GCNT4: variants seen among roughly 807,000 people sequenced by gnomAD.
GCNT4 encodes the protein beta-1,3-galactosyl-O-glycosyl-glycoprotein beta-1,6-N-acetylglucosaminyltransferase 4.
GCNT4 carries 17 observed loss-of-function variants against 31.3 expected under a neutral mutation model. The observed-to-expected ratio is 0.54, with a 90% CI of 0.37 to 0.81. The LOEUF (loss-of-function observed/expected upper bound fraction) is 0.81. GCNT4 is among the 40% of genes least tolerant of loss of function. The pLI, the probability that GCNT4 is intolerant of heterozygous loss-of-function variation, is 0.00. For synonymous variants in GCNT4, 158 were observed against 190.6 expected (o/e 0.83, Z 1.41); for missense variants, 503 against 525.5 (o/e 0.96, Z 0.42).
intron 3 of GCNT4, among the ~76,000 whole-genome samples, chr5:75,036,834 G>A (rs966621124): frequency 5.3e-5 from 8 of 152,190 alleles, no homozygotes; most frequent in Admixed American, 1.3e-4. Context: ...CTCCTGTCCC[G>A]TATCCTGTCA....
intron 3 of GCNT4, among the ~76,000 whole-genome samples, chr5:75,044,368 G>A (rs934862949): frequency 1.3e-5 from 2 of 150,258 alleles, no homozygotes; most frequent in Non-Finnish European, 2.9e-5. Context: ...CTTTACTTCT[G>A]TGTACATCAT....
At position 75,029,945 on chromosome 5, in the gene GCNT4, A is replaced by C; in HGVS notation, c.93T>G (p.Leu31=). The change falls in exon 4 of 4, where the codon CTT becomes CTG. Residue 31 remains leucine, a synonymous_variant. Coordinates refer to ENST00000652361, the MANE Select transcript of GCNT4 (RefSeq NM_001366737.1). ...GCGGAAAGAGTCGTCTCACATTTAG[A>C]AGCTTTAACAAAGAGAGCAGCCATA... The part of the protein sequence containing the change: ...LTLWLLSLLK[L]LNVRRLFPQK... 6.2e-7 allele frequency: 1 copy of C among 1,614,152 alleles called. No homozygotes were observed. Among genetic ancestry groups the C allele is most frequent in the Non-Finnish European group, 8.5e-7 (1 of 1,180,018 alleles).
rs1305574147 is a variant in GCNT4, at chr5:75,025,502, G to C, written c.*3174C>G. 2 of 152,112 alleles carry C rather than the reference G, an allele frequency of 1.3e-5. No individual in the cohort carries two copies. The highest frequency in any genetic ancestry group is 2.9e-5 in the Non-Finnish European group (2 of 68,000). 9.4% of individuals were successfully genotyped at this position (152,112 alleles called of 1,614,324 possible). A position where few individuals can be genotyped will look rare whatever the true frequency, so the allele number is the denominator to read the frequency against. On this transcript the variant is annotated 3_prime_UTR_variant, in exon 4 of 4. Transcript: ENST00000652361. ...AACAAAATAGGAGATTTAGAGACCA[G>C]TCGATATAAATGTATAAAAAGCCCC...
chr5:75,037,048 A>G (rs1743214673), intron 3 of GCNT4, among the ~76,000 whole-genome samples: 2 of 152,238 alleles, frequency 1.3e-5, no homozygotes, highest in Admixed American at 1.3e-4. Context: ...TTATTGATTT[A>G]GAAATGTCAG....
At chr5:75,048,677 T>C (rs1012886903) in intron 2 of GCNT4, among the ~76,000 whole-genome samples, 1 of 152,182 alleles carries the variant, frequency 6.6e-6, no homozygotes, top group Non-Finnish European at 1.5e-5. Context: ...AAGGAAAGCA[T>C]TTCCACAGTT....
chr5:75,041,816 G>C (rs1306847040), intron 3 of GCNT4, among the ~76,000 whole-genome samples: 1 of 152,208 alleles, frequency 6.6e-6, no homozygotes, highest in Admixed American at 6.5e-5. Flanking sequence ...GACTGTGTGT[G>C]TATCTAGCTG....
chr5:75,030,971 A>G (rs187778241), intron 3 of GCNT4: 1 of 166,852 alleles, frequency 6.0e-6, no homozygotes, highest in East Asian at 1.9e-4. Context: ...AATGGGGAAC[A>G]ATCTCTAAGA....
downstream of GCNT4, among the ~76,000 whole-genome samples, chr5:75,023,450 A>G (rs1435451614): frequency 2.6e-5 from 4 of 152,192 alleles, no homozygotes; most frequent in African/African-American, 9.6e-5. Context: ...TCTCATGGAA[A>G]TGCATCATAA....
intron 3 of GCNT4, among the ~76,000 whole-genome samples, chr5:75,043,672 T>C (rs1029176107): frequency 2.6e-5 from 4 of 152,156 alleles, no homozygotes; most frequent in Non-Finnish European, 5.9e-5. Flanking sequence ...CTCAAGCCAC[T>C]GAACCACCAC....
intron 3 of GCNT4, among the ~76,000 whole-genome samples, chr5:75,034,670 T>G (rs915399451): frequency 6.6e-6 from 1 of 152,208 alleles, no homozygotes; most frequent in Admixed American, 6.5e-5. Flanking sequence ...TGGAGTTTAT[T>G]GCCACATAGG....
At chr5:75,032,137 C>G (rs1743077445) in intron 3 of GCNT4, among the ~76,000 whole-genome samples, 1 of 152,162 alleles carries the variant, frequency 6.6e-6, no homozygotes, top group East Asian at 1.9e-4. Flanking sequence ...ATCAACTGTA[C>G]TGCAGAATCC....
chr5:75,032,902 T>G (rs1393615882), intron 3 of GCNT4, among the ~76,000 whole-genome samples: 1 of 129,016 alleles, frequency 7.8e-6, no homozygotes, highest in South Asian at 2.5e-4. Context: ...TGTGTGTGTG[T>G]GTGTGTGTGT....
the GCNT4 span, among the ~76,000 whole-genome samples, chr5:75,018,072 G>A: frequency 6.6e-6 from 1 of 152,116 alleles, no homozygotes; most frequent in African/African-American, 2.4e-5. Flanking sequence ...CCACAAGTAA[G>A]ATTTCTATGC....
At chr5:75,040,066 CCTTGCCTCAGGAT>C (rs1743285796) in intron 3 of GCNT4, among the ~76,000 whole-genome samples, 1 of 152,162 alleles carries the variant, frequency 6.6e-6, no homozygotes, top group Admixed American at 6.5e-5. Flanking sequence ...CTAGTCTCTT[CCTTGCCTCAGGAT>C]CTTTGCAACT....
At chr5:75,041,730 G>A (rs1743326143) in intron 3 of GCNT4, among the ~76,000 whole-genome samples, 1 of 152,164 alleles carries the variant, frequency 6.6e-6, no homozygotes, top group African/African-American at 2.4e-5. Context: ...TCAGCCCATG[G>A]TCACACCAAT....
rs1402886000 is a variant in GCNT4 at position 75,027,116 on chromosome 5, G to A, written c.*1560C>T. Reference sequence around the variant, plus strand: ...TGAGGCTACATTTTTATTTACTGAGGCTGCCATTGAGACATATCATGACCA... The same window carrying A: ...TGAGGCTACATTTTTATTTACTGAGACTGCCATTGAGACATATCATGACCA... On this transcript the variant is annotated 3_prime_UTR_variant, in exon 4 of 4. Transcript: ENST00000652361. 4.0e-5 allele frequency: 6 copies of A among 150,522 alleles called. No individual in the cohort carries two copies. Among genetic ancestry groups the A allele is most frequent in the African/African-American group, 1.5e-4 (6 of 40,908 alleles). The allele number at this position is 150,522 out of a possible 1,614,324, so 9.3% of individuals were successfully genotyped here. A position where few individuals can be genotyped will look rare whatever the true frequency, so the allele number is the denominator to read the frequency against.
chr5:75,028,436 T>G lies in GCNT4; in HGVS notation c.*240A>C. 1 of 487,036 alleles carries G rather than the reference T, an allele frequency of 2.1e-6. No homozygotes were observed. The highest frequency in any genetic ancestry group is 3.6e-6 in the Non-Finnish European group (1 of 278,978). The allele number at this position is 487,036 out of a possible 1,614,324, so 30.2% of individuals were successfully genotyped here. A position where few individuals can be genotyped will look rare whatever the true frequency, so the allele number is the denominator to read the frequency against. On this transcript the variant is annotated 3_prime_UTR_variant, in exon 4 of 4. Coordinates refer to ENST00000652361, the MANE Select transcript of GCNT4 (RefSeq NM_001366737.1). Reference sequence around the variant, plus strand: ...CAATAATGTTTGATGACTGACTGAATGTTTAAGATCTCTGATTTGGCTCAG... The same window carrying G: ...CAATAATGTTTGATGACTGACTGAAGGTTTAAGATCTCTGATTTGGCTCAG...
intron 3 of GCNT4, among the ~76,000 whole-genome samples, chr5:75,038,824 C>G (rs1196480614): frequency 6.6e-6 from 1 of 152,152 alleles, no homozygotes; most frequent in Non-Finnish European, 1.5e-5. Context: ...CACATTCAGA[C>G]CATAGCAGTA....
At chr5:75,046,461 G>A (rs570544994) in intron 3 of GCNT4, among the ~76,000 whole-genome samples, 3 of 152,190 alleles carry the variant, frequency 2.0e-5, no homozygotes, top group Non-Finnish European at 4.4e-5. Context: ...GGGCCGAACT[G>A]TCCCCCCTCT....
Sources: gnomAD v4.1 joint callset for allele counts (sites outside exome capture counted in the v4.1 genomes callset) on GRCh38, gnomAD v4.1.1 for gene constraint, MANE v1.5 for transcripts, NCBI Gene and HGNC (gene_info 2026-07-23, HGNC 2026-07-21) for gene names.